ABCA12: variants seen among roughly 807,000 people sequenced by gnomAD.
ABCA12 encodes the protein ATP binding cassette subfamily A member 12.
A neutral mutation model predicts 293.5 loss-of-function variants in ABCA12; 156 were observed. That is an observed-to-expected ratio of 0.53 (90% confidence interval 0.47 to 0.61). The LOEUF (loss-of-function observed/expected upper bound fraction) is 0.61, where lower values mean the gene tolerates loss of function less well. ABCA12 is among the 20% of genes least tolerant of loss of function. The pLI, the probability that ABCA12 is intolerant of heterozygous loss-of-function variation, is 0.00. For synonymous variants in ABCA12, 1,063 were observed against 1,108.0 expected (o/e 0.96, Z 0.81); for missense variants, 2,797 against 3,090.2 (o/e 0.91, Z 2.25).
At chr2:214,984,258 G>A (rs555299407) in intron 28 of ABCA12, among the ~76,000 whole-genome samples, 2 of 151,968 alleles carry the variant, frequency 1.3e-5, no homozygotes, top group Non-Finnish European at 1.5e-5. Flanking sequence ...CACCACGCCC[G>A]GCTAATTTTT....
rs1034392367 is a variant in ABCA12, at chr2:215,017,796, A to G, written c.1782+212T>C. On this transcript the variant is annotated intron_variant, in intron 14 of 52. Transcript: ENST00000272895. ...ATGGGGCATGGGAAAGGACAAGGAA[A>G]AATAAAGAGAAAAGGGACACATAGT... The G allele has an allele frequency of 3.0e-5, 18 of 606,422 alleles. No homozygotes were observed. In the African/African-American group the frequency reaches 3.0e-4, roughly 10 times the overall value. The allele number at this position is 606,422 out of a possible 1,614,324, so 37.6% of individuals were successfully genotyped here.
intron 9 of ABCA12, chr2:215,029,453 G>C (rs1019180491): frequency 1.3e-5 from 2 of 151,848 alleles, no homozygotes; most frequent in Admixed American, 1.3e-4. Flanking sequence ...TTTTGTGTTT[G>C]TCTTTCTGTC....
At chr2:214,933,670 G>T (rs1269355110) in intron 52 of ABCA12, among the ~76,000 whole-genome samples, 2 of 152,098 alleles carry the variant, frequency 1.3e-5, no homozygotes, top group Admixed American at 6.6e-5. Flanking sequence ...GAATTTAACA[G>T]ATCTAAAGGT....
chr2:214,975,765 G>C lies in ABCA12; in HGVS notation c.5381+20C>G, dbSNP rs1258182222. ...GAAGCATTTTGGAAACATTCTTTTAGTTAACAGAAAGAAACTTACGCATAG... is the reference window on the plus strand; with the variant it reads ...GAAGCATTTTGGAAACATTCTTTTACTTAACAGAAAGAAACTTACGCATAG... On this transcript the variant is annotated intron_variant, in intron 34 of 52. Coordinates refer to ENST00000272895, the MANE Select transcript of ABCA12 (RefSeq NM_173076.3). The C allele has an allele frequency of 1.2e-6, 2 of 1,613,888 alleles. No homozygotes were observed.
intron 2 of ABCA12, among the ~76,000 whole-genome samples, chr2:215,098,979 T>C (rs1309823802): frequency 1.3e-5 from 2 of 152,196 alleles, no homozygotes; most frequent in East Asian, 3.9e-4. Context: ...TGTGTGGTGG[T>C]TTTAAAATGT....
chr2:214,992,851 G>C (rs978688038), intron 23 of ABCA12, among the ~76,000 whole-genome samples: 1 of 151,944 alleles, frequency 6.6e-6, no homozygotes, highest in Non-Finnish European at 1.5e-5. Context: ...TGAGAGACAA[G>C]AGTGAAATTC....
intron 48 of ABCA12, among the ~76,000 whole-genome samples, chr2:214,946,044 A>G (rs1032688621): frequency 6.6e-6 from 1 of 152,152 alleles, no homozygotes; most frequent in African/African-American, 2.4e-5. Context: ...AATTTCTTGT[A>G]TATTTTCAAA....
At chr2:215,015,062 A>AT (rs922056332) in intron 15 of ABCA12, among the ~76,000 whole-genome samples, 2 of 151,646 alleles carry the variant, frequency 1.3e-5, no homozygotes, top group African/African-American at 2.4e-5. Context: ...GAAACAGGAA[A>AT]TTTTTTTTTA....
intron 2 of ABCA12, among the ~76,000 whole-genome samples, chr2:215,089,247 A>C (rs1702094697): frequency 6.6e-6 from 1 of 151,622 alleles, no homozygotes; most frequent in Non-Finnish European, 1.5e-5. Context: ...TAAACCCTAT[A>C]ATCTTTCCTT....
At chr2:215,134,370 A>G (rs1703139821) in intron 1 of ABCA12, among the ~76,000 whole-genome samples, 1 of 141,290 alleles carries the variant, frequency 7.1e-6, no homozygotes, top group Non-Finnish European at 1.5e-5. Flanking sequence ...ATATGTGTAT[A>G]TATGTATATA....
chr2:215,019,943 A>G (rs1195892095), intron 11 of ABCA12, 147 bp from the exon 12 acceptor site: 1 of 967,502 alleles, frequency 1.0e-6, no homozygotes, highest in Non-Finnish European at 1.6e-6. Flanking sequence ...CGTTAGTTTT[A>G]TTATGAAGTA....
At chr2:214,938,399 A>G (rs896793539) in intron 50 of ABCA12, among the ~76,000 whole-genome samples, 5 of 152,084 alleles carry the variant, frequency 3.3e-5, no homozygotes, top group African/African-American at 9.7e-5. Flanking sequence ...AGTCTTTGCT[A>G]TTGTGAACAG....
chr2:215,027,879 A>G (rs1700784187), intron 9 of ABCA12, among the ~76,000 whole-genome samples: 1 of 152,148 alleles, frequency 6.6e-6, no homozygotes, highest in African/African-American at 2.4e-5. Flanking sequence ...GTGTTTCCAA[A>G]TTCACCACTT....
At position 214,997,639 on chromosome 2, in the gene ABCA12, T is replaced by C. The variant is rs972374253; in HGVS notation, c.3294+56A>G. On this transcript the variant is annotated intron_variant, in intron 23 of 52. Coordinates refer to ENST00000272895, the MANE Select transcript of ABCA12 (RefSeq NM_173076.3). Reference sequence around the variant, plus strand: ...GTTTATAAAGGCATGATGAAAATCATAGTAATTGTTCTATGAACAGGACTT... The same window carrying C: ...GTTTATAAAGGCATGATGAAAATCACAGTAATTGTTCTATGAACAGGACTT... 4 of 1,277,170 alleles carry C rather than the reference T, an allele frequency of 3.1e-6. No individual in the cohort carries two copies. The African/African-American group carries it at 4.5e-5, about 14-fold the overall frequency. 79.1% of individuals were successfully genotyped at this position (1,277,170 alleles called of 1,614,324 possible).
rs760689102 is a variant in ABCA12 at position 214,987,790 on chromosome 2, G to A, written c.3833C>T (p.Thr1278Ile). ...AWYVRNVFPG[T>I]YGMAAPWYFP... ...ATACCAGGGAGCTGCCATACCGTATGTCCCTGGAATAAAAATATATCAGGA... is the reference window on the plus strand; with the variant it reads ...ATACCAGGGAGCTGCCATACCGTATATCCCTGGAATAAAAATATATCAGGA... The change falls in exon 27 of 53, where the codon ACA (threonine) becomes ATA (isoleucine). Residue 1278 changes from threonine (T) to isoleucine (I), a missense_variant. This residue lies in a region of ABCA12 where 2,130 missense variants were observed against 2,427.0 expected (regional missense o/e 0.88). Coordinates refer to ENST00000272895, the MANE Select transcript of ABCA12 (RefSeq NM_173076.3). 6.2e-7 allele frequency: 1 copy of A among 1,613,418 alleles called. No individual in the cohort carries two copies. The highest frequency in any genetic ancestry group is 1.7e-5 in the Admixed American group (1 of 59,976).
At chr2:214,935,526 G>A (rs1251396801) in intron 51 of ABCA12, among the ~76,000 whole-genome samples, 1 of 152,182 alleles carries the variant, frequency 6.6e-6, no homozygotes, top group Admixed American at 6.6e-5. Context: ...GCCGAGTGTG[G>A]TGGCTCACAG....
intron 2 of ABCA12, among the ~76,000 whole-genome samples, chr2:215,090,880 C>T (rs1702128688): frequency 6.6e-6 from 1 of 152,124 alleles, no homozygotes; most frequent in Non-Finnish European, 1.5e-5. Flanking sequence ...AACTTAAAAC[C>T]TCTTCAACTC....
chr2:215,047,581 T>C (rs778793335), intron 6 of ABCA12, among the ~76,000 whole-genome samples: 1 of 152,208 alleles, frequency 6.6e-6, no homozygotes, highest in Admixed American at 6.5e-5. Context: ...GCTAGCCATA[T>C]GCAGAAGAAT....
chr2:215,031,662 C>A (rs1430026655), intron 9 of ABCA12, among the ~76,000 whole-genome samples, 159 bp downstream of exon 9: 8 of 152,362 alleles, frequency 5.3e-5, no homozygotes, highest in African/African-American at 1.9e-4. Context: ...TAAGTTTCAA[C>A]TTTACTACAC....
Sources: allele counts gnomAD v4.1 joint callset (sites outside exome capture counted in the v4.1 genomes callset), GRCh38; gene constraint gnomAD v4.1.1; regional missense constraint gnomAD v4.1.1; transcripts MANE v1.5; gene names NCBI Gene and HGNC (gene_info 2026-07-23, HGNC 2026-07-21).